The following ABITRAM variants were observed in gnomAD, a reference collection of about 807,000 sequenced individuals.
ABITRAM encodes protein Abitram.
In ABITRAM, 19 loss-of-function variants were observed where a neutral mutation model predicts 22.9. The observed-to-expected ratio is 0.83, with a 90% CI of 0.58 to 1.22. The LOEUF (loss-of-function observed/expected upper bound fraction) is 1.22. Among genes scored for constraint, ABITRAM ranks in the 50% most tolerant of loss-of-function variants. The probability of loss-of-function intolerance (pLI) is 0.00; values close to 1 mark genes in which losing one functional copy is unlikely to be tolerated. For synonymous variants in ABITRAM, 70 were observed against 73.9 expected, an observed-to-expected ratio of 0.95 and a Z score of 0.27; for missense variants, 215 against 220.2, an observed-to-expected ratio of 0.98 and a Z score of 0.15.
intron 3 of ABITRAM, chr9:108,948,185 C>A (rs767467939): frequency 6.2e-7 from 1 of 1,611,636 alleles, no homozygotes; most frequent in Admixed American, 1.7e-5. Context: ...ACAAGGCATA[C>A]CTCTAGTTGA....
chr9:108,934,648 C>A, intron 1 of ABITRAM, 83 bp downstream of exon 1: 1 of 1,331,832 alleles, frequency 7.5e-7, no homozygotes, highest in Non-Finnish European at 1.0e-6. Context: ...ATAAGCCACG[C>A]GCGCTCTCCC....
chr9:108,939,308 AG>A (rs1218602720), intron 4 of ABITRAM, 36 bp downstream of exon 4: 1 of 1,595,298 alleles, frequency 6.3e-7, no homozygotes, highest in Non-Finnish European at 8.5e-7. Flanking sequence ...AGGAGACCAA[AG>A]GGAGGTAATT....
At chr9:108,948,391 C>G (rs1830465703) in intron 3 of ABITRAM, among the ~76,000 whole-genome samples, 1 of 152,126 alleles carries the variant, frequency 6.6e-6, no homozygotes, top group South Asian at 2.1e-4. Flanking sequence ...ATGCTTAAAG[C>G]AACTTTAATA....
chr9:108,935,444 C>T (rs999841032), intron 1 of ABITRAM, among the ~76,000 whole-genome samples, 194 bp from the exon 2 acceptor site: 1 of 152,206 alleles, frequency 6.6e-6, no homozygotes, highest in Admixed American at 6.5e-5. Flanking sequence ...ATTATTCTAT[C>T]TGGGCCAGAT....
At position 108,937,161 on chromosome 9, in the gene ABITRAM, G is replaced by A. The variant is rs114226089; in HGVS notation, c.261+724G>A. ...AGCGGCAGAGCAAGACCAAGACTCC[G>A]TCTCAAAAAAACAAAAACAAAAACA... is the stretch of plus-strand genomic sequence containing the variant. On this transcript the variant is annotated intron_variant, in intron 3 of 5. Transcript: ENST00000322940. Among the ~76,000 whole-genome samples, 522 of 152,156 alleles carry A rather than the reference G, an allele frequency of 3.4e-3. 8 individuals carry two copies. Among genetic ancestry groups the A allele is most frequent in the African/African-American group, 0.012 (484 of 41,510 alleles).
intron 3 of ABITRAM, among the ~76,000 whole-genome samples, chr9:108,949,701 G>A (rs747738348): frequency 2.6e-5 from 4 of 151,966 alleles, no homozygotes; most frequent in Non-Finnish European, 4.4e-5. Context: ...AAAATTAGCC[G>A]GGCGTGGTGG....
At chr9:108,944,110 T>A (rs1365670584), downstream of ABITRAM, 12 of 1,249,612 alleles carry the variant, frequency 9.6e-6, no homozygotes, top group African/African-American at 1.1e-4. Flanking sequence ...CGTAGAATTT[T>A]AAAAATAAAG....
intron 3 of ABITRAM, among the ~76,000 whole-genome samples, chr9:108,937,157 C>T (rs894184385): frequency 1.3e-5 from 2 of 152,142 alleles, no homozygotes; most frequent in African/African-American, 4.8e-5. Context: ...AAGACCAAGA[C>T]TCCGTCTCAA....
At chr9:108,943,062 A>C, downstream of ABITRAM, 4 of 1,590,220 alleles carry the variant, frequency 2.5e-6, no homozygotes, top group Non-Finnish European at 3.4e-6. Flanking sequence ...GACAAAAAGC[A>C]TGCAAATGAT....
At chr9:108,943,750 G>T (rs1220035978), downstream of ABITRAM, 5 of 1,613,852 alleles carry the variant, frequency 3.1e-6, no homozygotes, top group Non-Finnish European at 4.2e-6. Context: ...ACTGTCTGGA[G>T]CTGGTGGCAT....
chr9:108,949,067 A>G (rs1200932897), intron 3 of ABITRAM, among the ~76,000 whole-genome samples: 1 of 152,234 alleles, frequency 6.6e-6, no homozygotes, highest in African/African-American at 2.4e-5. Flanking sequence ...ATTATTAAGA[A>G]ATATGAATGA....
downstream of ABITRAM, chr9:108,943,181 C>T (rs1050126587): frequency 3.8e-6 from 3 of 779,942 alleles, no homozygotes; most frequent in African/African-American, 3.5e-5. Context: ...GATTTAGGCA[C>T]ATGAGCTGAC....
intron 3 of ABITRAM, among the ~76,000 whole-genome samples, chr9:108,946,405 T>G (rs775436457): frequency 7.2e-5 from 11 of 152,110 alleles, no homozygotes; most frequent in Non-Finnish European, 1.3e-4. Context: ...CTTACTCTTC[T>G]GATACACCCA....
At chr9:108,944,796 G>T (rs1205549854), downstream of ABITRAM, among the ~76,000 whole-genome samples, 1 of 152,106 alleles carries the variant, frequency 6.6e-6, no homozygotes, top group Non-Finnish European at 1.5e-5. Flanking sequence ...ATAAATTAAA[G>T]AATACTAAGA....
chr9:108,938,305 A>T (rs895885974), intron 3 of ABITRAM, among the ~76,000 whole-genome samples: 2 of 152,244 alleles, frequency 1.3e-5, no homozygotes, highest in African/African-American at 2.4e-5. Flanking sequence ...TCTGAATGCC[A>T]TCTAAAAATG....
chr9:108,949,506 G>C (rs544953601), intron 3 of ABITRAM, among the ~76,000 whole-genome samples: 73 of 152,300 alleles, frequency 4.8e-4, no homozygotes, highest in African/African-American at 1.7e-3. Context: ...TCAGGAGTTT[G>C]AGACCATCCT....
chr9:108,947,299 GAGAC>G (rs772384950), intron 3 of ABITRAM, among the ~76,000 whole-genome samples: 5 of 152,054 alleles, frequency 3.3e-5, no homozygotes, highest in Non-Finnish European at 7.4e-5. Flanking sequence ...ATTTTTAGTG[GAGAC>G]AGGGTTCCAC....
downstream of ABITRAM, among the ~76,000 whole-genome samples, chr9:108,941,541 G>T (rs1248399063): frequency 6.6e-6 from 1 of 152,148 alleles, no homozygotes; most frequent in Non-Finnish European, 1.5e-5. Context: ...GTTATTAACA[G>T]AGCTGAGTGC....
intron 3 of ABITRAM, chr9:108,950,470 A>G (rs1830528924): frequency 1.3e-6 from 2 of 1,542,674 alleles, no homozygotes; most frequent in Non-Finnish European, 1.7e-6. Flanking sequence ...CAGCAGCAAA[A>G]TTTCTAACTC....
Sources: allele counts gnomAD v4.1 joint callset (sites outside exome capture counted in the v4.1 genomes callset), GRCh38; gene constraint gnomAD v4.1.1; transcripts MANE v1.5; gene names NCBI Gene and HGNC (gene_info 2026-07-23, HGNC 2026-07-21).